SLC4A10: variants seen among roughly 807,000 people sequenced by gnomAD.
The protein encoded by SLC4A10 is sodium-driven chloride bicarbonate exchanger.
SLC4A10 carries 42 observed loss-of-function variants against 137.7 expected under a neutral mutation model. The observed-to-expected ratio is 0.30, with a 90% CI of 0.24 to 0.39. SLC4A10 has a LOEUF of 0.39. Among genes scored for constraint, SLC4A10 ranks in the 10% least tolerant of loss-of-function variants. The pLI, the probability that SLC4A10 is intolerant of heterozygous loss-of-function variation, is 1.00. For synonymous variants in SLC4A10, 474 were observed against 464.1 expected, an observed-to-expected ratio of 1.02 and a Z score of -0.27; for missense variants, 925 against 1,355.0, an observed-to-expected ratio of 0.68 and a Z score of 4.98.
intron 3 of SLC4A10, among the ~76,000 whole-genome samples, chr2:161,821,725 G>A (rs1346019622): frequency 6.6e-6 from 1 of 152,032 alleles, no homozygotes; most frequent in Non-Finnish European, 1.5e-5. Context: ...ATTTTTAATA[G>A]ACATGAAAAA....
At chr2:161,887,217 G>T (rs1302388785) in intron 10 of SLC4A10, among the ~76,000 whole-genome samples, 1 of 152,268 alleles carries the variant, frequency 6.6e-6, no homozygotes, top group East Asian at 1.9e-4. Context: ...TTGGTTCCAA[G>T]TCTTTGCTAT....
chr2:161,941,721 G>C (rs1427843116), intron 15 of SLC4A10, among the ~76,000 whole-genome samples: 1 of 152,098 alleles, frequency 6.6e-6, no homozygotes, highest in Non-Finnish European at 1.5e-5. Flanking sequence ...CAGCCATGGA[G>C]CAAGTCTTTC....
chr2:161,898,189 A>G (rs1363406402), intron 11 of SLC4A10, among the ~76,000 whole-genome samples: 4 of 152,146 alleles, frequency 2.6e-5, no homozygotes, highest in Non-Finnish European at 1.5e-5. Context: ...GTTTTCTGCA[A>G]TAATGGAAAT....
At chr2:161,776,825 G>T (rs962750978) in intron 2 of SLC4A10, among the ~76,000 whole-genome samples, 2 of 151,010 alleles carry the variant, frequency 1.3e-5, no homozygotes, top group Non-Finnish European at 3.0e-5. Flanking sequence ...TGCGCAAGGG[G>T]TCTCCACATC....
intron 2 of SLC4A10, among the ~76,000 whole-genome samples, chr2:161,776,295 G>T (rs115918143): frequency 1.3e-5 from 2 of 151,812 alleles, no homozygotes; most frequent in Non-Finnish European, 1.5e-5. Flanking sequence ...ACATTGTTAT[G>T]CAACCAATAT....
intron 1 of SLC4A10, chr2:161,710,711 A>G (rs1476002203): frequency 6.6e-6 from 3 of 455,432 alleles, no homozygotes; most frequent in Admixed American, 4.7e-5. Context: ...CGTTTATACT[A>G]TTTTACATGC....
chr2:161,879,053 G>T, intron 8 of SLC4A10, 78 bp from the exon 9 acceptor site: 1 of 1,299,852 alleles, frequency 7.7e-7, no homozygotes, highest in South Asian at 1.4e-5. Context: ...ATTACTATAT[G>T]TGAAGCACTG....
chr2:161,705,499 G>C (rs2043559807), intron 1 of SLC4A10, among the ~76,000 whole-genome samples: 2 of 151,600 alleles, frequency 1.3e-5, no homozygotes, highest in Admixed American at 1.3e-4. Context: ...CAAATAAATA[G>C]AGTTACCCTC....
chr2:161,834,780 ATGCCATGTAGTGGCT>A (rs999954220), intron 3 of SLC4A10, among the ~76,000 whole-genome samples: 1 of 151,918 alleles, frequency 6.6e-6, no homozygotes, highest in African/African-American at 2.4e-5. Context: ...GGGTGGATGA[ATGCCATGTAGTGGCT>A]TGCATGGATA....
intron 1 of SLC4A10, among the ~76,000 whole-genome samples, chr2:161,746,675 C>G (rs537382266): frequency 2.2e-4 from 34 of 152,246 alleles, no homozygotes; most frequent in Admixed American, 2.2e-3. Context: ...GCCACCACAG[C>G]TGGGAATGTG....
intron 7 of SLC4A10, among the ~76,000 whole-genome samples, chr2:161,872,827 C>T (rs541981186): frequency 6.6e-6 from 1 of 152,280 alleles, no homozygotes; most frequent in African/African-American, 2.4e-5. Flanking sequence ...AATTCTCAAG[C>T]CTCAGCTTCC....
chr2:161,817,166 G>A (rs1464909890), intron 3 of SLC4A10, among the ~76,000 whole-genome samples: 1 of 152,110 alleles, frequency 6.6e-6, no homozygotes, highest in African/African-American at 2.4e-5. Flanking sequence ...TTTAATGATT[G>A]CCATTCTAAG....
chr2:161,767,233 CACAT>C (rs1559203888), intron 1 of SLC4A10, among the ~76,000 whole-genome samples: 5 of 87,660 alleles, frequency 5.7e-5, no homozygotes, highest in Admixed American at 1.2e-4. Flanking sequence ...TATATATATA[CACAT>C]ATATATATAT....
At chr2:161,947,273 CT>C (rs2105796416) in intron 16 of SLC4A10, among the ~76,000 whole-genome samples, 1 of 152,206 alleles carries the variant, frequency 6.6e-6, no homozygotes, top group East Asian at 1.9e-4. Context: ...GTGTTAGGAA[CT>C]TAGTAGATAT....
chr2:161,947,693 A>G lies in SLC4A10; in HGVS notation c.2231A>G (p.Lys744Arg). 1 of 1,613,120 alleles carries G rather than the reference A, an allele frequency of 6.2e-7. No individual in the cohort carries two copies. The highest frequency in any genetic ancestry group is 8.5e-7 in the Non-Finnish European group (1 of 1,179,294). Residue 744 changes from lysine to arginine, a missense_variant, in exon 17 of 27, where the codon AAG (lysine) becomes AGG (arginine). This residue lies in a region of SLC4A10 where 82 missense variants were observed against 151.4 expected (regional missense o/e 0.54). Coordinates refer to ENST00000446997, the MANE Select transcript of SLC4A10 (RefSeq NM_001178015.2). The stretch of plus-strand genomic sequence containing the variant: ...ACAGTTACTCTGTCAGCCACCCTGA[A>G]GCAGTTCAAGACTAGCAGATATTTT... ...FSTVTLSATL[K>R]QFKTSRYFPT...
intron 1 of SLC4A10, among the ~76,000 whole-genome samples, chr2:161,734,016 C>A (rs1327548807): frequency 6.6e-6 from 1 of 152,200 alleles, no homozygotes; most frequent in Non-Finnish European, 1.5e-5. Context: ...CCCATTGTAT[C>A]TAGGAAGTAA....
intron 19 of SLC4A10, among the ~76,000 whole-genome samples, 152 bp downstream of exon 19, chr2:161,951,000 T>G (rs1330850042): frequency 6.6e-6 from 1 of 152,184 alleles, no homozygotes; most frequent in East Asian, 1.9e-4. Flanking sequence ...ACAAGATACT[T>G]GGTCTTACAA....
intron 2 of SLC4A10, among the ~76,000 whole-genome samples, chr2:161,788,586 C>T (rs2053881719): frequency 6.6e-6 from 1 of 152,088 alleles, no homozygotes; most frequent in South Asian, 2.1e-4. Context: ...TCACAGGGCT[C>T]ATGATCTTCA....
intron 2 of SLC4A10, among the ~76,000 whole-genome samples, chr2:161,803,741 G>A (rs955096918): frequency 2.6e-5 from 4 of 152,054 alleles, no homozygotes; most frequent in African/African-American, 9.7e-5. Flanking sequence ...TAGAGGATAC[G>A]TTCTAAGACC....
Sources: allele counts gnomAD v4.1 joint callset (sites outside exome capture counted in the v4.1 genomes callset), GRCh38; gene constraint gnomAD v4.1.1; regional missense constraint gnomAD v4.1.1; transcripts MANE v1.5; gene names NCBI Gene and HGNC (gene_info 2026-07-23, HGNC 2026-07-21).